FREM1: variants seen among roughly 807,000 people sequenced by gnomAD.
FREM1 encodes the protein FRAS1-related extracellular matrix protein 1.
FREM1 carries 220 observed loss-of-function variants against 210.1 expected under a neutral mutation model. The observed-to-expected ratio is 1.05, with a 90% CI of 0.94 to 1.17. The LOEUF (loss-of-function observed/expected upper bound fraction) is 1.17. Among genes scored for constraint, FREM1 ranks in the 50% most tolerant of loss-of-function variants. The pLI is 0.00. For synonymous variants in FREM1, 1,189 were observed against 980.2 expected (o/e 1.21, Z -3.98); for missense variants, 3,454 against 2,675.5 (o/e 1.29, Z -6.42).
intron 1 of FREM1, among the ~76,000 whole-genome samples, chr9:14,877,591 A>T (rs991697944): frequency 1.3e-5 from 2 of 152,026 alleles, no homozygotes; most frequent in Admixed American, 1.3e-4. Flanking sequence ...TCCTATGATT[A>T]CATTTTGTTA....
intron 15 of FREM1, among the ~76,000 whole-genome samples, chr9:14,814,836 T>C (rs970453311): frequency 6.6e-5 from 10 of 152,222 alleles, no homozygotes; most frequent in African/African-American, 9.7e-5. Flanking sequence ...GTGCCTCTGT[T>C]TGGCTTTTAA....
chr9:14,787,172 T>C (rs1402801919), intron 23 of FREM1, among the ~76,000 whole-genome samples: 1 of 152,214 alleles, frequency 6.6e-6, no homozygotes, highest in Non-Finnish European at 1.5e-5. Context: ...AAGGTTGTGA[T>C]TAAATCTAAC....
chr9:14,859,235 A>C lies in FREM1; in HGVS notation c.579T>G (p.Pro193=). The C allele has an allele frequency of 1.2e-6, 2 of 1,610,068 alleles. No individual in the cohort carries two copies. The highest frequency in any genetic ancestry group is 1.7e-6 in the Non-Finnish European group (2 of 1,177,310). Residue 193 remains proline (P), a synonymous_variant, in exon 4 of 37, where the codon CCT becomes CCG. Coordinates refer to ENST00000380880, the MANE Select transcript of FREM1 (RefSeq NM_001379081.2). The part of the protein sequence containing the change: ...PAHGQMVLGE[P]RPEEPRGDQP... ...GATCTCCACGAGGTTCTTCTGGTCG[A>C]GGCTCCCCGAGAACCATCTGGCCAT...
At chr9:14,819,718 G>A (rs1820950323) in intron 13 of FREM1, among the ~76,000 whole-genome samples, 1 of 152,138 alleles carries the variant, frequency 6.6e-6, no homozygotes, top group African/African-American at 2.4e-5. Context: ...CTGTATAGTA[G>A]AATTGGCAAT....
At chr9:14,792,592 T>C (rs1391877904) in intron 22 of FREM1, 151 bp downstream of exon 22, 1 of 523,262 alleles carries the variant, frequency 1.9e-6, no homozygotes, top group Non-Finnish European at 3.2e-6. Flanking sequence ...TAGAACAGCA[T>C]GAATTCACCC....
chr9:14,890,497 C>A (rs972104397), intron 1 of FREM1, among the ~76,000 whole-genome samples: 6 of 152,180 alleles, frequency 3.9e-5, no homozygotes, highest in Non-Finnish European at 7.3e-5. Context: ...CAGAAAGGAG[C>A]CTTTTTAAGC....
rs1298355353 is a variant in FREM1 at position 14,824,832 on chromosome 9, G to A, written c.2042C>T (p.Thr681Ile). The A allele has an allele frequency of 7.4e-6, 12 of 1,612,726 alleles. 1 individual carries two copies. The African/African-American group carries it at 1.1e-4, about 14-fold the overall frequency. The part of the protein sequence containing the change: ...SESYDRELVY[T>I]ITTPPFFSFS... ...GGAGAAAAATGGAGGAGTAGTTATT[G>A]TGTAGACCAGCTCCCTGTCATATGA... Residue 681 changes from threonine to isoleucine, a missense_variant, in exon 11 of 37, where the codon ACA becomes ATA. By Grantham distance (89) the Thr-to-Ile change is moderately conservative. Transcript: ENST00000380880.
chr9:14,857,023 A>T (rs1304106885), intron 5 of FREM1, among the ~76,000 whole-genome samples: 1 of 152,150 alleles, frequency 6.6e-6, no homozygotes. Flanking sequence ...GAGAATTAAA[A>T]GAGATTGGAA....
chr9:14,842,757 G>C (rs1189831010), intron 8 of FREM1, 97 bp from the exon 9 acceptor site: 4 of 827,600 alleles, frequency 4.8e-6, no homozygotes, highest in Non-Finnish European at 7.7e-6. Context: ...GCTAAGGAAA[G>C]TGTGCAGCCC....
chr9:14,791,931 G>A (rs187649570), intron 22 of FREM1, among the ~76,000 whole-genome samples: 4 of 150,336 alleles, frequency 2.7e-5, no homozygotes, highest in Admixed American at 6.6e-5. Context: ...CCCCTCTCCC[G>A]GGTTCAAGTA....
intron 27 of FREM1, 73 bp from the exon 28 acceptor site, chr9:14,759,974 C>A (rs1845192652): frequency 7.7e-7 from 1 of 1,299,634 alleles, no homozygotes; most frequent in Admixed American, 2.4e-5. Flanking sequence ...GCTGAGCGGA[C>A]TAGTGGAAAA....
chr9:14,861,130 CATATATACAT>C, intron 3 of FREM1, among the ~76,000 whole-genome samples: 1 of 69,130 alleles, frequency 1.4e-5, no homozygotes, highest in Non-Finnish European at 2.8e-5. Flanking sequence ...CATATATACA[CATATATACAT>C]ATATACACAT....
At chr9:14,760,047 T>C (rs1845205509) in intron 27 of FREM1, 146 bp from the exon 28 acceptor site, 2 of 524,014 alleles carry the variant, frequency 3.8e-6, no homozygotes, top group East Asian at 6.0e-5. Context: ...CACATTTTAG[T>C]TCACAAAGAA....
intron 2 of FREM1, among the ~76,000 whole-genome samples, chr9:14,867,489 A>G (rs1831747512): frequency 6.6e-6 from 1 of 152,174 alleles, no homozygotes; most frequent in South Asian, 2.1e-4. Context: ...CTAGGCAGAG[A>G]CATTTGGTTA....
At chr9:14,773,605 ATT>A (rs60938956) in intron 25 of FREM1, among the ~76,000 whole-genome samples, 9 of 143,530 alleles carry the variant, frequency 6.3e-5, no homozygotes, top group Admixed American at 1.4e-4. Context: ...ACACGTAATG[ATT>A]TTTTTTTTTT....
intron 13 of FREM1, among the ~76,000 whole-genome samples, chr9:14,821,422 A>G (rs1821290409): frequency 6.6e-6 from 1 of 152,216 alleles, no homozygotes; most frequent in Admixed American, 6.5e-5. Context: ...AGGCTTGAAT[A>G]ACTTTGCATA....
intron 10 of FREM1, among the ~76,000 whole-genome samples, chr9:14,841,184 C>A (rs554133293): frequency 1.3e-5 from 2 of 152,232 alleles, no homozygotes; most frequent in East Asian, 3.9e-4. Context: ...GGGAGACAAG[C>A]AAATTTTGTG....
At chr9:14,804,658 C>T (rs1257972960) in intron 19 of FREM1, among the ~76,000 whole-genome samples, 1 of 152,110 alleles carries the variant, frequency 6.6e-6, no homozygotes, top group Non-Finnish European at 1.5e-5. Flanking sequence ...GGTATTATTT[C>T]AGAAGCCCCG....
chr9:14,874,707 A>T (rs1441634502), intron 1 of FREM1, among the ~76,000 whole-genome samples: 1 of 152,136 alleles, frequency 6.6e-6, no homozygotes, highest in Non-Finnish European at 1.5e-5. Flanking sequence ...TGATCCTGTC[A>T]TTATGATTTT....
Sources: allele counts gnomAD v4.1 joint callset (sites outside exome capture counted in the v4.1 genomes callset), GRCh38; gene constraint gnomAD v4.1.1; transcripts MANE v1.5; gene names NCBI Gene and HGNC (gene_info 2026-07-23, HGNC 2026-07-21).